The following DNM1L variants were observed in gnomAD, a reference collection of about 807,000 sequenced individuals.
DNM1L encodes dynamin-1-like protein.
DNM1L carries 33 observed loss-of-function variants against 92.8 expected under a neutral mutation model. That is an observed-to-expected ratio of 0.36 (90% CI 0.27 to 0.48). The LOEUF (loss-of-function observed/expected upper bound fraction) is 0.48. DNM1L is among the 20% of genes least tolerant of loss of function. DNM1L has a pLI of 0.99. For synonymous variants in DNM1L, 284 were observed against 305.0 expected, an observed-to-expected ratio of 0.93 and a Z score of 0.72; for missense variants, 485 against 888.8, an observed-to-expected ratio of 0.55 and a Z score of 5.78.
intron 6 of DNM1L, among the ~76,000 whole-genome samples, chr12:32,718,346 T>C (rs1227301919): frequency 6.6e-6 from 1 of 151,738 alleles, no homozygotes; most frequent in Admixed American, 6.6e-5. Flanking sequence ...TTTACCATGT[T>C]AGTCAGGCTG....
chr12:32,742,537 T>G, intron 18 of DNM1L, 52 bp from the exon 19 acceptor site: 1 of 1,611,830 alleles, frequency 6.2e-7, no homozygotes, highest in Admixed American at 1.7e-5. Flanking sequence ...AAGCCCAAAT[T>G]GTTAAAAGTA....
chr12:32,730,268 G>A (rs1419965541), intron 9 of DNM1L, among the ~76,000 whole-genome samples: 1 of 152,218 alleles, frequency 6.6e-6, no homozygotes, highest in African/African-American at 2.4e-5. Context: ...GGAGGCTGAG[G>A]CAGGAGAATC....
At position 32,742,675 on chromosome 12, in the gene DNM1L, C is replaced by T; in HGVS notation, c.2081C>T (p.Ser694Phe). 6.2e-7 allele frequency: 1 copy of T among 1,614,014 alleles called. No homozygotes were observed. ...SELVGQLYKS[S>F]LLDDLLTESE... The stretch of plus-strand genomic sequence containing the variant: ...CTAGTAGGCCAGCTGTATAAATCAT[C>T]CTTATTGGATGATCTTCTGACAGAA... Residue 694 changes from serine (S) to phenylalanine (F), a missense_variant, in exon 19 of 20, where the codon TCC becomes TTC. This residue lies in a region of DNM1L where 133 missense variants were observed against 210.9 expected (regional missense o/e 0.63). Transcript: ENST00000549701.
At chr12:32,708,033 TTTTA>T in intron 3 of DNM1L, 116 bp from the exon 4 acceptor site, 2 of 618,880 alleles carry the variant, frequency 3.2e-6, no homozygotes, top group East Asian at 2.9e-5. Context: ...TACATTAGAA[TTTTA>T]TTTATTTTCT....
intron 9 of DNM1L, chr12:32,726,380 T>C: frequency 6.3e-7 from 1 of 1,575,508 alleles, no homozygotes; most frequent in Admixed American, 1.7e-5. Context: ...ATATCCTGCT[T>C]CACTGCTGCT....
At chr12:32,688,507 T>G (rs1952113173) in intron 1 of DNM1L, among the ~76,000 whole-genome samples, 1 of 152,214 alleles carries the variant, frequency 6.6e-6, no homozygotes, top group African/African-American at 2.4e-5. Context: ...CCCTATGGTT[T>G]CTGATGAGAA....
At chr12:32,717,604 C>CCTAGGTAGATATATATATAAAAAATAT (rs1565518295) in intron 6 of DNM1L, among the ~76,000 whole-genome samples, 2 of 84,598 alleles carry the variant, frequency 2.4e-5, no homozygotes, top group African/African-American at 1.1e-4. Context: ...ATAAAAAATA[C>CCTAGGTAGATATATATATAAAAAATAT]ATATACCTAG....
chr12:32,681,093 A>G (rs1269427208), intron 1 of DNM1L, among the ~76,000 whole-genome samples: 3 of 152,190 alleles, frequency 2.0e-5, no homozygotes, highest in Admixed American at 1.3e-4. Context: ...ACAGAGTGGC[A>G]GGAGAGAAAA....
chr12:32,743,945 T>G lies in DNM1L; in HGVS notation c.*535T>G, dbSNP rs191428372. On this transcript the variant is annotated 3_prime_UTR_variant, in exon 20 of 20. Coordinates refer to ENST00000549701, the MANE Select transcript of DNM1L (RefSeq NM_012062.5). ...TTCTGAGCTTCTTTGCAGCCTTTGA[T>G]GTGTTTTTAAGAAAGCTGAATGCAC... The G allele has an allele frequency of 3.7e-4, 58 of 158,376 alleles. No individual in the cohort carries two copies. The highest frequency in any genetic ancestry group is 1.5e-3 in the South Asian group (8 of 5,376). 9.8% of individuals were successfully genotyped at this position (158,376 alleles called of 1,614,324 possible). A position where few individuals can be genotyped will look rare whatever the true frequency, so the allele number is the denominator to read the frequency against.
intron 7 of DNM1L, among the ~76,000 whole-genome samples, chr12:32,719,618 C>G (rs1019764069): frequency 1.3e-5 from 2 of 151,814 alleles, no homozygotes; most frequent in African/African-American, 4.8e-5. Context: ...GGTTTAATCC[C>G]TAGCATTAGT....
intron 6 of DNM1L, among the ~76,000 whole-genome samples, chr12:32,713,592 T>C (rs1419157952): frequency 6.6e-6 from 1 of 152,246 alleles, no homozygotes; most frequent in African/African-American, 2.4e-5. Context: ...ACTTTATTTG[T>C]AATGGTTACC....
At chr12:32,710,312 C>T (rs1029589790) in intron 4 of DNM1L, among the ~76,000 whole-genome samples, 3 of 152,176 alleles carry the variant, frequency 2.0e-5, no homozygotes, top group Non-Finnish European at 2.9e-5. Flanking sequence ...TTGTTATCTA[C>T]GCCTTACTCT....
chr12:32,716,242 T>G (rs375636097), intron 6 of DNM1L, among the ~76,000 whole-genome samples: 7 of 147,960 alleles, frequency 4.7e-5, no homozygotes, highest in South Asian at 4.3e-4. Flanking sequence ...GAAAATTTGG[T>G]GGGGGGGGGT....
chr12:32,718,900 A>G lies in DNM1L; in HGVS notation c.740+137A>G, dbSNP rs2137426122. The stretch of plus-strand genomic sequence containing the variant: ...TACTATATTTTTTCTCCCTTTTATT[A>G]TGATCTTGGTATTGCTAAAGAATCC... On this transcript the variant is annotated intron_variant, in intron 7 of 19. Transcript: ENST00000549701. 10 of 1,266,624 alleles carry G rather than the reference A, an allele frequency of 7.9e-6. No individual in the cohort carries two copies. The South Asian group carries it at 1.2e-4, about 15-fold the overall frequency. 78.5% of individuals were successfully genotyped at this position (1,266,624 alleles called of 1,614,324 possible).
chr12:32,700,012 T>C (rs1401958667), intron 1 of DNM1L, among the ~76,000 whole-genome samples: 1 of 152,144 alleles, frequency 6.6e-6, no homozygotes, highest in Non-Finnish European at 1.5e-5. Flanking sequence ...TGAGTAAGGT[T>C]ATATGTATAA....
intron 1 of DNM1L, among the ~76,000 whole-genome samples, chr12:32,700,924 TC>T (rs1450589636): frequency 6.6e-6 from 1 of 152,180 alleles, no homozygotes; most frequent in Admixed American, 6.5e-5. Flanking sequence ...GCTGTTATTT[TC>T]TGGTTTTGGC....
In DNM1L at chr12:32,708,215, AAAT is replaced by A. The variant is rs1952997814; in HGVS notation, c.366_368del (p.Asn122del). ...AAAATGAAACAGAAAGAATTTCAGG[AAAT>A]AATAAGGTAGGCATCTTTTTAGAGC... is the stretch of plus-strand genomic sequence containing the variant. On this transcript the variant is annotated inframe_deletion, in exon 4 of 20. Coordinates refer to ENST00000549701, the MANE Select transcript of DNM1L (RefSeq NM_012062.5). 6 of 1,593,898 alleles carry A rather than the reference AAAT, an allele frequency of 3.8e-6. No individual in the cohort carries two copies. Among genetic ancestry groups the A allele is most frequent in the Non-Finnish European group, 5.2e-6 (6 of 1,162,188 alleles).
intron 1 of DNM1L, among the ~76,000 whole-genome samples, chr12:32,685,359 CTTTTT>C (rs71298052): frequency 7.2e-5 from 9 of 124,470 alleles, no homozygotes; most frequent in Non-Finnish European, 1.3e-4. Flanking sequence ...GTGGCTGCAC[CTTTTT>C]TTTTTTTTTT....
chr12:32,728,083 C>CCA (rs1433666480), intron 9 of DNM1L: 2 of 152,128 alleles, frequency 1.3e-5, no homozygotes, highest in African/African-American at 4.8e-5. Flanking sequence ...CAGGGAGGTC[C>CCA]CATGCACCCT....
Sources: allele counts gnomAD v4.1 joint callset (sites outside exome capture counted in the v4.1 genomes callset), GRCh38; gene constraint gnomAD v4.1.1; regional missense constraint gnomAD v4.1.1; transcripts MANE v1.5; gene names NCBI Gene and HGNC (gene_info 2026-07-23, HGNC 2026-07-21).